The following ANKS1A variants were observed in gnomAD, a reference collection of about 807,000 sequenced individuals.
ANKS1A encodes ankyrin repeat and SAM domain-containing protein 1A.
Under a neutral mutation model 120.3 loss-of-function variants are expected in ANKS1A, and 55 were observed. That is an observed-to-expected ratio of 0.46 (90% CI 0.37 to 0.57). ANKS1A has a LOEUF of 0.57. Ranked by LOEUF, ANKS1A falls within the 20% of genes least tolerant of loss-of-function variation. ANKS1A has a pLI of 0.00. For missense variants in ANKS1A, 1,123 were observed against 1,480.3 expected (o/e 0.76, Z 3.96); for synonymous variants, 590 against 604.7 (o/e 0.98, Z 0.36).
chr6:34,925,974 T>A (rs1369673885), intron 1 of ANKS1A, among the ~76,000 whole-genome samples: 1 of 152,176 alleles, frequency 6.6e-6, no homozygotes, highest in Non-Finnish European at 1.5e-5. Context: ...AATTCTCCTT[T>A]AGAGAGTCTT....
At chr6:34,991,888 A>G (rs1772597702) in intron 9 of ANKS1A, among the ~76,000 whole-genome samples, 1 of 150,972 alleles carries the variant, frequency 6.6e-6, no homozygotes, top group African/African-American at 2.4e-5. Context: ...AATTTAGTAA[A>G]GAGCAGAATC....
At chr6:34,994,212 A>G in intron 9 of ANKS1A, 90 bp from the exon 10 acceptor site, 1 of 1,505,348 alleles carries the variant, frequency 6.6e-7, no homozygotes, top group African/African-American at 1.4e-5. Flanking sequence ...CTTTGATGAA[A>G]AAAGAGCCAA....
At chr6:35,021,176 C>T (rs1017085091) in intron 11 of ANKS1A, among the ~76,000 whole-genome samples, 1 of 152,260 alleles carries the variant, frequency 6.6e-6, no homozygotes. Context: ...TGCTCCCCAC[C>T]CTATCCCTGA....
intron 10 of ANKS1A, among the ~76,000 whole-genome samples, chr6:35,004,223 C>T (rs1232786859): frequency 6.6e-6 from 1 of 152,158 alleles, no homozygotes; most frequent in Non-Finnish European, 1.5e-5. Context: ...AAGACACTAG[C>T]CTGCTGATGC....
At chr6:35,025,305 A>G (rs1774564381) in intron 11 of ANKS1A, among the ~76,000 whole-genome samples, 1 of 150,614 alleles carries the variant, frequency 6.6e-6, no homozygotes, top group African/African-American at 2.5e-5. Flanking sequence ...GTGTGTGTGT[A>G]TTTATGTATG....
Position 35,084,248 on chromosome 6 carries a change from C to G in ANKS1A, c.3122C>G (p.Thr1041Ser), listed in dbSNP as rs781295989. The change falls in exon 21 of 24, where the codon ACC (threonine) becomes AGC (serine). Residue 1041 changes from threonine to serine, a missense_variant. Coordinates refer to ENST00000360359, the MANE Select transcript of ANKS1A (RefSeq NM_015245.3). The surrounding 1 kb of genome is among the most constrained non-coding windows in gnomAD (Gnocchi z 4.8). ...TSHHYCHVFS[T>S]VDVNLTYEII... ...CACCACTATTGCCATGTGTTCAGCA[C>G]CGTGGATGTGGTGGGTGGGGTCCTG... The G allele has an allele frequency of 6.2e-6, 10 of 1,614,070 alleles. No individual in the cohort carries two copies.
intron 10 of ANKS1A, among the ~76,000 whole-genome samples, chr6:35,003,753 G>C (rs1184474601): frequency 6.6e-6 from 1 of 152,194 alleles, no homozygotes; most frequent in Non-Finnish European, 1.5e-5. Flanking sequence ...TATTGCACAA[G>C]AAGACAGAAG....
chr6:34,910,759 G>T (rs907370374), intron 1 of ANKS1A, among the ~76,000 whole-genome samples: 2 of 151,664 alleles, frequency 1.3e-5, no homozygotes, highest in Non-Finnish European at 2.9e-5. Flanking sequence ...TATGCAGGTG[G>T]CTGAAACAGG....
intron 10 of ANKS1A, among the ~76,000 whole-genome samples, chr6:35,008,930 G>A (rs965261346): frequency 2.6e-5 from 4 of 152,144 alleles, no homozygotes; most frequent in African/African-American, 9.7e-5. Context: ...AGGAGGAGTG[G>A]CATAGACAAC....
chr6:35,069,312 C>T lies in ANKS1A; in HGVS notation c.2184+9059C>T, dbSNP rs568736765. Among the ~76,000 whole-genome samples, 3 of 152,042 alleles carry T rather than the reference C, an allele frequency of 2.0e-5. No homozygotes were observed. In the East Asian group the frequency reaches 5.9e-4, roughly 30 times the overall value. ...CCTCCTGCAGTCCCCCAACCCCCAC[C>T]ATTGTCCCTTGTCCCTGCCCCATCC... On this transcript the variant is annotated intron_variant, in intron 13 of 23. Transcript: ENST00000360359.
At chr6:35,051,346 G>A (rs1433344899) in intron 11 of ANKS1A, among the ~76,000 whole-genome samples, 2 of 152,204 alleles carry the variant, frequency 1.3e-5, no homozygotes, top group African/African-American at 4.8e-5. Context: ...AAGGCCCTTC[G>A]GCAAAATTTC....
At chr6:35,067,654 A>G (rs926163699) in intron 13 of ANKS1A, among the ~76,000 whole-genome samples, 7 of 152,088 alleles carry the variant, frequency 4.6e-5, no homozygotes, top group African/African-American at 1.4e-4. Flanking sequence ...AGTGGTGGGG[A>G]AAAAAAAGAA....
At chr6:35,066,712 G>A (rs764303548) in intron 13 of ANKS1A, among the ~76,000 whole-genome samples, 1 of 152,184 alleles carries the variant, frequency 6.6e-6, no homozygotes, top group Non-Finnish European at 1.5e-5. Flanking sequence ...ACTCTTCCTG[G>A]TGGCTGTCAC....
At chr6:34,975,205 G>A (rs1771495288) in intron 3 of ANKS1A, among the ~76,000 whole-genome samples, 1 of 152,174 alleles carries the variant, frequency 6.6e-6, no homozygotes, top group Non-Finnish European at 1.5e-5. Flanking sequence ...CATAATCCCA[G>A]CACTTTGGGA....
In ANKS1A at chr6:34,992,072, A is replaced by G. The variant is rs75617445; in HGVS notation, c.1303-2230A>G. Among the ~76,000 whole-genome samples, 527 of 152,252 alleles carry G rather than the reference A, an allele frequency of 3.5e-3. 5 individuals are homozygous for G. The highest frequency in any genetic ancestry group is 0.011 in the African/African-American group (438 of 41,542). Reference sequence around the variant, plus strand: ...TGATCACTCTACTTGTCGTCTGGGTATGAGCAATTGGATGAAGAAAAAAAT... The same window carrying G: ...TGATCACTCTACTTGTCGTCTGGGTGTGAGCAATTGGATGAAGAAAAAAAT... On this transcript the variant is annotated intron_variant, in intron 9 of 23. Transcript: ENST00000360359.
intron 11 of ANKS1A, among the ~76,000 whole-genome samples, chr6:35,021,263 TG>T (rs925355977): frequency 1.3e-5 from 2 of 151,518 alleles, no homozygotes; most frequent in African/African-American, 4.9e-5. Flanking sequence ...CCCCGGGAGG[TG>T]GGGAACTCTG....
rs371892747 is a variant in ANKS1A at position 35,078,555 on chromosome 6, C to T, written c.2185-3C>T. On this transcript the variant is annotated splice_region_variant and splice_polypyrimidine_tract_variant and intron_variant, in intron 13 of 23. Coordinates refer to ENST00000360359, the MANE Select transcript of ANKS1A (RefSeq NM_015245.3). ...GCCCTGACATCCACCTTTCTGCTCT[C>T]AGGGGTCTAATGTGATGGAAGAGCA... The T allele has an allele frequency of 6.2e-7, 1 of 1,611,118 alleles. No individual in the cohort carries two copies. The highest frequency in any genetic ancestry group is 8.5e-7 in the Non-Finnish European group (1 of 1,179,844).
chr6:35,088,134 C>A (rs1460524170), intron 23 of ANKS1A, among the ~76,000 whole-genome samples: 1 of 152,232 alleles, frequency 6.6e-6, no homozygotes, highest in Non-Finnish European at 1.5e-5. Context: ...GTCCAGCATG[C>A]CCCTGACCAC....
chr6:34,943,990 T>C (rs772349359), intron 1 of ANKS1A, among the ~76,000 whole-genome samples: 3 of 152,212 alleles, frequency 2.0e-5, no homozygotes, highest in Non-Finnish European at 4.4e-5. Flanking sequence ...AGTAGACATA[T>C]AGGCTGGGCG....
Sources: allele counts gnomAD v4.1 joint callset (sites outside exome capture counted in the v4.1 genomes callset), GRCh38; gene constraint gnomAD v4.1.1; non-coding constraint Gnocchi (gnomAD v3.1); transcripts MANE v1.5; gene names NCBI Gene and HGNC (gene_info 2026-07-23, HGNC 2026-07-21).